Variants in RGL1 observed in about 807,000 individuals in gnomAD.
RGL1 encodes ral guanine nucleotide dissociation stimulator like 1.
In RGL1, 24 loss-of-function variants were observed where a neutral mutation model predicts 95.2. That is an observed-to-expected ratio of 0.25 (90% confidence interval 0.18 to 0.35). The LOEUF (loss-of-function observed/expected upper bound fraction) is 0.35, where lower values mean the gene tolerates loss of function less well. RGL1 is among the 10% of genes least tolerant of loss of function. The pLI, the probability that RGL1 is intolerant of heterozygous loss-of-function variation, is 1.00. For synonymous variants in RGL1, 329 were observed against 344.9 expected (o/e 0.95, Z 0.51); for missense variants, 715 against 936.3 (o/e 0.76, Z 3.08).
intron 1 of RGL1, among the ~76,000 whole-genome samples, chr1:183,683,522 C>CGGA (rs1256197721): frequency 9.9e-5 from 15 of 152,088 alleles, no homozygotes; most frequent in African/African-American, 3.6e-4. Context: ...TAGAGTTTCA[C>CGGA]CCAAGAGATC....
chr1:183,746,526 C>G (rs888036882), intron 2 of RGL1, among the ~76,000 whole-genome samples: 32 of 151,570 alleles, frequency 2.1e-4, no homozygotes, highest in Admixed American at 5.9e-4. Context: ...GTGGTTATAT[C>G]ATGATTAATT....
At chr1:183,891,086 A>G (rs1301358141) in intron 8 of RGL1, among the ~76,000 whole-genome samples, 1 of 152,178 alleles carries the variant, frequency 6.6e-6, no homozygotes, top group African/African-American at 2.4e-5. Context: ...CTCTTCATTT[A>G]GGGCCACATA....
At chr1:183,643,507 G>A (rs1572212378) in intron 1 of RGL1, among the ~76,000 whole-genome samples, 1 of 152,228 alleles carries the variant, frequency 6.6e-6, no homozygotes, top group South Asian at 2.1e-4. Flanking sequence ...TAGCCAGGAT[G>A]GTCTTGATCT....
At chr1:183,883,203 G>A (rs1364369786) in intron 5 of RGL1, among the ~76,000 whole-genome samples, 1 of 152,190 alleles carries the variant, frequency 6.6e-6, no homozygotes, top group Non-Finnish European at 1.5e-5. Flanking sequence ...GATCTTGGCT[G>A]TGATAGGTTC....
chr1:183,686,075 C>T (rs9286849), intron 1 of RGL1, among the ~76,000 whole-genome samples: 12,319 of 152,222 alleles, frequency 0.081, 919 homozygotes, highest in African/African-American at 0.2. Context: ...AAGTCTCACA[C>T]TGGATCATCT....
intron 1 of RGL1, among the ~76,000 whole-genome samples, chr1:183,684,475 G>T (rs1165707783): frequency 6.6e-6 from 1 of 152,160 alleles, no homozygotes; most frequent in African/African-American, 2.4e-5. Flanking sequence ...ACTCCAGACT[G>T]CTGTGCTGGC....
intron 10 of RGL1, among the ~76,000 whole-genome samples, chr1:183,898,828 C>T (rs1472724457): frequency 6.6e-6 from 1 of 152,164 alleles, no homozygotes; most frequent in Non-Finnish European, 1.5e-5. Context: ...TTGGTATGAA[C>T]CTCACAAAGC....
intron 1 of RGL1, among the ~76,000 whole-genome samples, chr1:183,736,840 G>T (rs9645305): frequency 0.7 from 106,123 of 152,016 alleles, 37,436 homozygotes; most frequent in East Asian, 0.91. Context: ...TCACATATAA[G>T]GGAGTCTGCA....
intron 5 of RGL1, among the ~76,000 whole-genome samples, chr1:183,881,388 G>T (rs887263593): frequency 2.0e-5 from 3 of 152,204 alleles, no homozygotes; most frequent in Non-Finnish European, 2.9e-5. Flanking sequence ...ATCAAAGGAA[G>T]TTTCTGCAGC....
At chr1:183,762,629 A>T (rs923998924) in intron 2 of RGL1, among the ~76,000 whole-genome samples, 1 of 152,250 alleles carries the variant, frequency 6.6e-6, no homozygotes, top group Admixed American at 6.5e-5. Flanking sequence ...GCCAACAAAC[A>T]TATGAAAAGA....
At chr1:183,890,427 G>A (rs1159377452) in intron 8 of RGL1, among the ~76,000 whole-genome samples, 2 of 152,140 alleles carry the variant, frequency 1.3e-5, no homozygotes, top group Non-Finnish European at 2.9e-5. Context: ...CCTCTAAGCT[G>A]CATTCTGTGT....
chr1:183,745,844 A>G (rs1245199009), intron 2 of RGL1, among the ~76,000 whole-genome samples: 2 of 152,110 alleles, frequency 1.3e-5, no homozygotes, highest in African/African-American at 4.8e-5. Flanking sequence ...GATTTCAGTA[A>G]ATTTGTTGAC....
chr1:183,854,204 A>T (rs377356123), intron 3 of RGL1, among the ~76,000 whole-genome samples: 2 of 152,148 alleles, frequency 1.3e-5, no homozygotes, highest in Non-Finnish European at 2.9e-5. Flanking sequence ...GCTGTACCCA[A>T]ATAAAACTGA....
chr1:183,795,476 A>G (rs754752635), intron 2 of RGL1, among the ~76,000 whole-genome samples: 2 of 152,226 alleles, frequency 1.3e-5, no homozygotes, highest in Non-Finnish European at 2.9e-5. Flanking sequence ...AGGATGTCCC[A>G]AAGATGGAGA....
intron 3 of RGL1, among the ~76,000 whole-genome samples, chr1:183,860,540 T>C (rs1051640306): frequency 2.6e-5 from 4 of 152,144 alleles, no homozygotes; most frequent in South Asian, 2.1e-4. Flanking sequence ...GGCCTTTGCA[T>C]TGGCTCTTTG....
chr1:183,879,381 C>T (rs1477290921), intron 4 of RGL1, among the ~76,000 whole-genome samples: 1 of 152,158 alleles, frequency 6.6e-6, no homozygotes, highest in Non-Finnish European at 1.5e-5. Flanking sequence ...GAAAGCCCAG[C>T]CTTCACTTTC....
intron 2 of RGL1, among the ~76,000 whole-genome samples, chr1:183,799,612 T>C (rs767496886): frequency 1.7e-4 from 26 of 152,326 alleles, no homozygotes; most frequent in African/African-American, 3.6e-4. Context: ...CTTTGGAAAA[T>C]TGCCTGTTCA....
At chr1:183,750,344 A>G (rs1400278868) in intron 2 of RGL1, among the ~76,000 whole-genome samples, 1 of 152,014 alleles carries the variant, frequency 6.6e-6, no homozygotes, top group African/African-American at 2.4e-5. Flanking sequence ...CTTCTGCTTT[A>G]TTGATTCAGC....
At chr1:183,766,646 T>A (rs913350532) in intron 2 of RGL1, among the ~76,000 whole-genome samples, 1 of 152,194 alleles carries the variant, frequency 6.6e-6, no homozygotes, top group African/African-American at 2.4e-5. Flanking sequence ...GTTCAGAACT[T>A]ATAAAAGTAA....
Sources: gnomAD v4.1 joint callset for allele counts (sites outside exome capture counted in the v4.1 genomes callset) on GRCh38, gnomAD v4.1.1 for gene constraint, MANE v1.5 for transcripts, NCBI Gene and HGNC (gene_info 2026-07-23, HGNC 2026-07-21) for gene names.